The following GLB1L variants were observed in gnomAD, a reference collection of about 807,000 sequenced individuals.
GLB1L encodes galactosidase beta 1 like, also known as beta-galactosidase-1-like protein.
In GLB1L, 58 loss-of-function variants were observed where a neutral mutation model predicts 75.7. The observed-to-expected ratio is 0.77, with a 90% CI of 0.62 to 0.95. The LOEUF is 0.95. GLB1L is among the 40% of genes least tolerant of loss of function. GLB1L has a pLI of 0.00. For missense variants in GLB1L, 797 were observed against 805.5 expected (o/e 0.99, Z 0.13); for synonymous variants, 296 against 303.0 (o/e 0.98, Z 0.24).
At chr2:219,241,412 A>ATG (rs745647003) in intron 5 of GLB1L, among the ~76,000 whole-genome samples, 8 of 102,576 alleles carry the variant, frequency 7.8e-5, no homozygotes, top group African/African-American at 2.0e-4. Context: ...ATATATATAT[A>ATG]TGTGTGTGTG....
rs147771453 is a variant in GLB1L at position 219,243,267 on chromosome 2, G to A, written c.120C>T (p.Leu40=). 88 of 1,613,308 alleles carry A rather than the reference G, an allele frequency of 5.5e-5. No homozygotes were observed. In the African/African-American group the frequency reaches 1.1e-3, roughly 20 times the overall value. ...FVVDRGHDRF[L]LDGAPFRYVS... is the part of the protein sequence containing the mutation. ...CATAGCGGAACGGGGCCCCGTCTAG[G>A]AGAAACCGGTCATGACCCCTATCCA... Residue 40 remains leucine (L), a synonymous_variant, in exon 3 of 17, where the codon CTC becomes CTT. Transcript: ENST00000295759.
At position 219,240,180 on chromosome 2, in the gene GLB1L, C is replaced by G; in HGVS notation, c.546+11G>C. 1 of 1,613,538 alleles carries G rather than the reference C, an allele frequency of 6.2e-7. No homozygotes were observed. Among genetic ancestry groups the G allele is most frequent in the Non-Finnish European group, 8.5e-7 (1 of 1,179,452 alleles). Reference sequence around the variant, plus strand: ...CCTTCTTCCCCTGCTCCAGTCACTTCCCCCTTGTACCTGAATGCTAATGAT... The same window carrying G: ...CCTTCTTCCCCTGCTCCAGTCACTTGCCCCTTGTACCTGAATGCTAATGAT... On this transcript the variant is annotated intron_variant, in intron 6 of 16. Transcript: ENST00000295759.
chr2:219,238,837 A>C (rs1951317874), intron 11 of GLB1L, 58 bp from the exon 12 acceptor site: 1 of 1,465,584 alleles, frequency 6.8e-7, no homozygotes, highest in East Asian at 2.3e-5. Context: ...TACCTATTCC[A>C]AGACTCTAGG....
intron 11 of GLB1L, 81 bp from the exon 12 acceptor site, chr2:219,238,860 A>G: frequency 7.8e-7 from 1 of 1,281,882 alleles, no homozygotes; most frequent in Non-Finnish European, 1.1e-6. Flanking sequence ...AGAGTTCCTA[A>G]CCTGGGGCCC....
intron 5 of GLB1L, among the ~76,000 whole-genome samples, chr2:219,241,996 C>T (rs1951405462): frequency 6.6e-6 from 1 of 151,910 alleles, no homozygotes; most frequent in African/African-American, 2.4e-5. Flanking sequence ...AGGATTTTCT[C>T]TTTTTTGAGA....
At chr2:219,241,463 T>TATATATATATATATAC (rs1202119681) in intron 5 of GLB1L, among the ~76,000 whole-genome samples, 1 of 137,576 alleles carries the variant, frequency 7.3e-6, no homozygotes, top group African/African-American at 2.6e-5. Context: ...TATATATATA[T>TATATATATATATATAC]ATACATACAT....
At position 219,243,585 on chromosome 2, in the gene GLB1L, C is replaced by A. The variant is rs775317223; in HGVS notation, c.-12G>T. 5.6e-6 allele frequency: 9 copies of A among 1,613,768 alleles called. No homozygotes were observed. The highest frequency in any genetic ancestry group is 2.2e-5 in the South Asian group (2 of 91,064). ...TTCTTGGGAGCCATGGCGTTTACAG[C>A]GCTCCTCTAGTCTGAGACGGCGGAC... is the stretch of plus-strand genomic sequence containing the variant. On this transcript the variant is annotated 5_prime_UTR_variant, in exon 2 of 17. Coordinates refer to ENST00000295759, the MANE Select transcript of GLB1L (RefSeq NM_001286423.2).
Position 219,237,533 on chromosome 2 carries a change from T to A in GLB1L, c.1668A>T (p.Leu556=), listed in dbSNP as rs377210014. 1 of 1,614,024 alleles carries A rather than the reference T, an allele frequency of 6.2e-7. No individual in the cohort carries two copies. The highest frequency in any genetic ancestry group is 1.3e-5 in the African/African-American group (1 of 74,914). The part of the protein sequence containing the change: ...PILGSVGDTF[L]YLPGWTKGQV... ...ATACCTTGGTCCATCCAGGTAGATA[T>A]AGAAATGTGTCCCCAACTGAGCCTA... is the stretch of plus-strand genomic sequence containing the variant. Residue 556 remains leucine (L), a synonymous_variant, in exon 16 of 17, where the codon CTA becomes CTT. Coordinates refer to ENST00000295759, the MANE Select transcript of GLB1L (RefSeq NM_001286423.2).
chr2:219,238,991 C>G, intron 11 of GLB1L, 101 bp downstream of exon 11: 1 of 935,736 alleles, frequency 1.1e-6, no homozygotes, highest in African/African-American at 1.7e-5. Flanking sequence ...GCTCTGTGGC[C>G]CAGACAATAA....
At chr2:219,243,444 C>G (rs1402426856) in intron 2 of GLB1L, 58 bp downstream of exon 2, 2 of 1,605,298 alleles carry the variant, frequency 1.2e-6, no homozygotes, top group Admixed American at 1.7e-5. Flanking sequence ...TTTCTCTCAT[C>G]CGCTGGATCT....
At chr2:219,242,663 G>T in intron 4 of GLB1L, 89 bp from the exon 5 acceptor site, 1 of 1,529,680 alleles carries the variant, frequency 6.5e-7, no homozygotes, top group Non-Finnish European at 9.0e-7. Context: ...AGGAAGGGAA[G>T]GAATTGAATA....
intron 14 of GLB1L, 129 bp from the exon 15 acceptor site, chr2:219,238,086 A>G (rs1040456088): frequency 4.5e-6 from 5 of 1,109,492 alleles, no homozygotes; most frequent in Non-Finnish European, 5.3e-6. Flanking sequence ...CATCTATTCT[A>G]GAATTCTATC....
chr2:219,243,119 C>T (rs1472858120), intron 3 of GLB1L, 29 bp downstream of exon 3: 1 of 1,577,202 alleles, frequency 6.3e-7, no homozygotes, highest in Admixed American at 1.8e-5. Flanking sequence ...AGATCCCATC[C>T]CTCCGCGGCT....
In GLB1L at chr2:219,241,420, G is replaced by A. The variant is rs1012123925; in HGVS notation, c.451+1094C>T. ...AAAAATAATATATATATATGTGTGT[G>A]TGTGTGTGTGTGTGTGTGTGTGTAT... On this transcript the variant is annotated intron_variant, in intron 5 of 16. Transcript: ENST00000295759. Among the ~76,000 whole-genome samples, 312 of 92,186 alleles carry A rather than the reference G, an allele frequency of 3.4e-3. 54 individuals carry two copies. In the South Asian group the frequency reaches 0.037, roughly 11 times the overall value. 60.5% of individuals were successfully genotyped at this position (92,186 alleles called of 152,430 possible).
In GLB1L at chr2:219,242,571, C is replaced by T. The variant is rs1369198827; in HGVS notation, c.394G>A (p.Gly132Ser). ...PYICAEWEMG[G>S]LPSWLLRKPE... is the part of the protein sequence containing the mutation. Reference sequence around the variant, plus strand: ...TTTCGAAGCAACCAGGATGGGAGACCCCCCTGAGACAAACATAAAGAGAAC... The same window carrying T: ...TTTCGAAGCAACCAGGATGGGAGACTCCCCTGAGACAAACATAAAGAGAAC... Residue 132 changes from glycine to serine, a missense_variant, in exon 5 of 17, where the codon GGT (glycine) becomes AGT (serine). Physicochemically the swap from Gly to Ser is moderately conservative, Grantham distance 56 (BLOSUM62 0). Coordinates refer to ENST00000295759, the MANE Select transcript of GLB1L (RefSeq NM_001286423.2). The T allele has an allele frequency of 6.2e-7, 1 of 1,612,880 alleles. No homozygotes were observed. The highest frequency in any genetic ancestry group is 8.5e-7 in the Non-Finnish European group (1 of 1,179,158).
rs373530917 is a variant in GLB1L, at chr2:219,239,788, G to T, written c.767C>A (p.Pro256His). Residue 256 changes from proline (P) to histidine (H), a missense_variant, in exon 8 of 17, where the codon CCC (proline) becomes CAC (histidine). Transcript: ENST00000295759. Reference protein sequence around the residue: ...KIFTLLRKYEPHGPLVNSEYY... With the variant: ...KIFTLLRKYEHHGPLVNSEYY... ...CTGGCCCCTCACCAATGGCCCATGG[G>T]GTTCATACTTCCGAAGCAGGGTAAA... is the stretch of plus-strand genomic sequence containing the variant. 6 of 1,614,044 alleles carry T rather than the reference G, an allele frequency of 3.7e-6. No homozygotes were observed. Among genetic ancestry groups the T allele is most frequent in the Non-Finnish European group, 5.1e-6 (6 of 1,180,042 alleles).
chr2:219,239,286 A>G, intron 10 of GLB1L, 76 bp from the exon 11 acceptor site: 1 of 1,487,866 alleles, frequency 6.7e-7, no homozygotes, highest in Non-Finnish European at 9.3e-7. Flanking sequence ...TCATGCAGAG[A>G]ATTTTGCCAT....
intron 2 of GLB1L, 60 bp downstream of exon 2, chr2:219,243,442 A>T: frequency 6.2e-7 from 1 of 1,604,228 alleles, no homozygotes; most frequent in Non-Finnish European, 8.5e-7. Flanking sequence ...ACTTTCTCTC[A>T]TCCGCTGGAT....
At chr2:219,238,015 T>A in intron 14 of GLB1L, 58 bp from the exon 15 acceptor site, 1 of 1,559,468 alleles carries the variant, frequency 6.4e-7, no homozygotes, top group South Asian at 1.1e-5. Flanking sequence ...AGCCACTGCA[T>A]AGGAAACCAC....
Sources: allele counts gnomAD v4.1 joint callset (sites outside exome capture counted in the v4.1 genomes callset), GRCh38; gene constraint gnomAD v4.1.1; transcripts MANE v1.5; gene names NCBI Gene and HGNC (gene_info 2026-07-23, HGNC 2026-07-21).